The following FAM3C variants were observed in gnomAD, a reference collection of about 807,000 sequenced individuals.
FAM3C encodes the protein protein FAM3C.
FAM3C carries 15 observed loss-of-function variants against 32.5 expected under a neutral mutation model. The ratio of observed to expected loss-of-function variants is 0.46; its 90% CI spans 0.31 to 0.71. The LOEUF (loss-of-function observed/expected upper bound fraction) is 0.71. FAM3C is among the 30% of genes least tolerant of loss of function. The pLI is 0.05. For missense variants in FAM3C, 175 were observed against 274.4 expected, an observed-to-expected ratio of 0.64 and a Z score of 2.56; for synonymous variants, 75 against 86.1, an observed-to-expected ratio of 0.87 and a Z score of 0.72.
intron 1 of FAM3C, among the ~76,000 whole-genome samples, chr7:121,392,310 G>C (rs527842695): frequency 1.3e-5 from 2 of 152,174 alleles, no homozygotes; most frequent in African/African-American, 4.8e-5. Flanking sequence ...GGCTGGGGAG[G>C]TGTCAGGAAA....
chr7:121,393,218 G>A (rs1794612930), intron 1 of FAM3C, among the ~76,000 whole-genome samples: 1 of 152,164 alleles, frequency 6.6e-6, no homozygotes, highest in Non-Finnish European at 1.5e-5. Flanking sequence ...AGAGCTTTGG[G>A]AGGCTGAGGT....
At chr7:121,385,416 G>A (rs946642640) in intron 1 of FAM3C, among the ~76,000 whole-genome samples, 1 of 152,158 alleles carries the variant, frequency 6.6e-6, no homozygotes, top group African/African-American at 2.4e-5. Context: ...AGATTCAACA[G>A]CAAGGACAGC....
In FAM3C at chr7:121,354,090, T is replaced by TA. The variant is rs1403300002; in HGVS notation, c.468-2822dup. On this transcript the variant is annotated intron_variant, in intron 8 of 9. Transcript: ENST00000359943. ...TTTAGATATCTTCTGTGTAACTAAGTAAAAAAAATCTTTATATTTCAAAAG... is the reference window on the plus strand; with the variant it reads ...TTTAGATATCTTCTGTGTAACTAAGTAAAAAAAAATCTTTATATTTCAAAAG... Among the ~76,000 whole-genome samples, 3 of 152,048 alleles carry TA rather than the reference T, an allele frequency of 2.0e-5. No individual in the cohort carries two copies. In the South Asian group the frequency reaches 6.2e-4, roughly 32 times the overall value.
At chr7:121,367,485 T>C (rs148554977) in intron 5 of FAM3C, among the ~76,000 whole-genome samples, 1 of 152,164 alleles carries the variant, frequency 6.6e-6, no homozygotes, top group African/African-American at 2.4e-5. Context: ...TGATTTTACC[T>C]CTTTGCCCTC....
intron 8 of FAM3C, among the ~76,000 whole-genome samples, chr7:121,357,319 G>A (rs1466000078): frequency 2.6e-5 from 4 of 152,118 alleles, no homozygotes; most frequent in Non-Finnish European, 4.4e-5. Flanking sequence ...TTCAGTGTAC[G>A]CACTTAACTT....
chr7:121,362,563 C>CTTT, intron 7 of FAM3C: 1 of 209,332 alleles, frequency 4.8e-6, no homozygotes, highest in African/African-American at 2.4e-5. Flanking sequence ...CTTCAAATTA[C>CTTT]TTTTTTTTTT....
intron 1 of FAM3C, among the ~76,000 whole-genome samples, chr7:121,388,593 A>T (rs1482102168): frequency 6.6e-6 from 1 of 152,178 alleles, no homozygotes; most frequent in Non-Finnish European, 1.5e-5. Flanking sequence ...TGAACCAATA[A>T]GAGTTTTAAA....
chr7:121,387,334 T>C (rs1333863346), intron 1 of FAM3C, among the ~76,000 whole-genome samples: 1 of 152,092 alleles, frequency 6.6e-6, no homozygotes, highest in African/African-American at 2.4e-5. Context: ...GGAATAAACA[T>C]CTTTCCCAAC....
intron 5 of FAM3C, chr7:121,364,389 A>G (rs1793984171): frequency 2.1e-6 from 1 of 471,234 alleles, no homozygotes; most frequent in Non-Finnish European, 3.7e-6. Context: ...TCCTTAAATA[A>G]TATTTCACAA....
At chr7:121,392,038 G>T (rs533994452) in intron 1 of FAM3C, among the ~76,000 whole-genome samples, 2 of 152,274 alleles carry the variant, frequency 1.3e-5, no homozygotes, top group South Asian at 4.1e-4. Context: ...TATAACTGCA[G>T]CCAATCAAAT....
intron 2 of FAM3C, 75 bp from the exon 3 acceptor site, chr7:121,379,089 T>C (rs886496644): frequency 4.8e-5 from 39 of 815,452 alleles, no homozygotes; most frequent in Non-Finnish European, 7.1e-5. Context: ...TGAAAAATGT[T>C]TATAAATTTT....
chr7:121,362,713 G>A, intron 7 of FAM3C, 184 bp downstream of exon 7: 1 of 543,926 alleles, frequency 1.8e-6, no homozygotes, highest in South Asian at 2.5e-5. Context: ...TTTCTAAGAA[G>A]AAGAAAGTAT....
intron 1 of FAM3C, among the ~76,000 whole-genome samples, chr7:121,390,656 A>G (rs552591010): frequency 2.6e-5 from 4 of 152,104 alleles, no homozygotes; most frequent in African/African-American, 7.2e-5. Flanking sequence ...TAGCATGCAC[A>G]CCAGAATTAC....
At chr7:121,379,465 C>T (rs1490188765) in intron 2 of FAM3C, among the ~76,000 whole-genome samples, 1 of 152,056 alleles carries the variant, frequency 6.6e-6, no homozygotes, top group African/African-American at 2.4e-5. Flanking sequence ...TCTCAAGTGA[C>T]ATGTTACAGA....
At chr7:121,355,928 T>C (rs867511886) in intron 8 of FAM3C, among the ~76,000 whole-genome samples, 2 of 151,838 alleles carry the variant, frequency 1.3e-5, no homozygotes, top group Non-Finnish European at 2.9e-5. Flanking sequence ...CAAGTGGGCC[T>C]ACATCAGCAA....
intron 8 of FAM3C, among the ~76,000 whole-genome samples, chr7:121,357,821 C>T (rs1793843048): frequency 6.6e-6 from 1 of 152,056 alleles, no homozygotes. Context: ...AAACATCATT[C>T]CTCCCCTAGT....
chr7:121,392,471 C>G (rs1324137986), intron 1 of FAM3C, among the ~76,000 whole-genome samples: 1 of 152,136 alleles, frequency 6.6e-6, no homozygotes, highest in Non-Finnish European at 1.5e-5. Context: ...ATGGGGGAAG[C>G]CGCCCTCATG....
chr7:121,351,702 C>CAA (rs1175787894), intron 8 of FAM3C, among the ~76,000 whole-genome samples: 3 of 152,088 alleles, frequency 2.0e-5, no homozygotes, highest in Admixed American at 1.3e-4. Context: ...TAAATGCTGA[C>CAA]AAAAATCTGT....
In FAM3C at chr7:121,371,404, A is replaced by G. The variant is rs143912709; in HGVS notation, c.168T>C (p.Tyr56=). The change falls in exon 5 of 10, where the codon TAT becomes TAC. Residue 56 remains tyrosine (Y), a synonymous_variant. Transcript: ENST00000359943. ...GGCAAGCTTTTGAGATCCCACACTT[A>G]TATCTGGGAGGCTTTGTAGCTTTGG... ...TAARSTKPPR[Y]KCGISKACPE... 71 of 1,613,928 alleles carry G rather than the reference A, an allele frequency of 4.4e-5. No individual in the cohort carries two copies. The African/African-American group carries it at 8.7e-4, about 20-fold the overall frequency.
Sources: gnomAD v4.1 joint callset for allele counts (sites outside exome capture counted in the v4.1 genomes callset) on GRCh38, gnomAD v4.1.1 for gene constraint, MANE v1.5 for transcripts, NCBI Gene and HGNC (gene_info 2026-07-23, HGNC 2026-07-21) for gene names.